The following ZNF385D variants were observed in gnomAD, a reference collection of about 807,000 sequenced individuals.
ZNF385D encodes zinc finger protein 659.
Under a neutral mutation model 35.8 loss-of-function variants are expected in ZNF385D, and 15 were observed. That is an observed-to-expected ratio of 0.42 (90% CI 0.28 to 0.64). The LOEUF (loss-of-function observed/expected upper bound fraction) is 0.64. Among genes scored for constraint, ZNF385D ranks in the 30% least tolerant of loss-of-function variants. The probability of loss-of-function intolerance (pLI) is 0.23; values close to 1 mark genes in which losing one functional copy is unlikely to be tolerated. For synonymous variants in ZNF385D, 212 were observed against 186.8 expected (o/e 1.13, Z -1.10); for missense variants, 474 against 494.6 (o/e 0.96, Z 0.39).
At chr3:21,711,625 C>T (rs2068112546) in intron 1 of ZNF385D, among the ~76,000 whole-genome samples, 1 of 152,152 alleles carries the variant, frequency 6.6e-6, no homozygotes, top group South Asian at 2.1e-4. Flanking sequence ...ATCTCCCATC[C>T]CCAAAAACAC....
At chr3:21,622,654 G>A (rs1230233873) in intron 2 of ZNF385D, among the ~76,000 whole-genome samples, 1 of 152,158 alleles carries the variant, frequency 6.6e-6, no homozygotes, top group African/African-American at 2.4e-5. Flanking sequence ...TCTCTGTATT[G>A]AATTCAGTCC....
intron 3 of ZNF385D, among the ~76,000 whole-genome samples, chr3:21,813,867 C>T (rs766736513): frequency 5.3e-5 from 8 of 152,040 alleles, no homozygotes; most frequent in Non-Finnish European, 1.2e-4. Flanking sequence ...CAAAGATAGT[C>T]CTCGAGAAGA....
chr3:22,353,854 C>T (rs1696028595), intron 2 of ZNF385D, among the ~76,000 whole-genome samples: 1 of 152,026 alleles, frequency 6.6e-6, no homozygotes. Context: ...ACTTGCCAAC[C>T]TCCTATCTTT....
At chr3:21,800,746 T>C (rs1007419864) in intron 3 of ZNF385D, among the ~76,000 whole-genome samples, 6 of 152,186 alleles carry the variant, frequency 3.9e-5, no homozygotes, top group African/African-American at 1.4e-4. Flanking sequence ...CTTTTGTTTG[T>C]TGATCTTGTT....
chr3:21,662,494 T>C (rs199970502), intron 2 of ZNF385D, among the ~76,000 whole-genome samples: 3 of 152,308 alleles, frequency 2.0e-5, no homozygotes, highest in East Asian at 1.9e-4. Flanking sequence ...GTTTTATACA[T>C]ACCGAATTTT....
In ZNF385D at chr3:21,732,224, G is replaced by T. The variant is rs1181769707; in HGVS notation, c.22+18671C>A. Reference sequence around the variant, plus strand: ...GCCACCACACCCGGCTAATTTTTTTGTATTTTTAGTAGACACGGGGTTTCA... The same window carrying T: ...GCCACCACACCCGGCTAATTTTTTTTTATTTTTAGTAGACACGGGGTTTCA... On this transcript the variant is annotated intron_variant, in intron 1 of 7. Coordinates refer to ENST00000281523, the MANE Select transcript of ZNF385D (RefSeq NM_024697.3). Among the ~76,000 whole-genome samples the T allele has an allele frequency of 2.0e-5, 3 of 151,252 alleles. No individual in the cohort carries two copies. The South Asian group carries it at 6.3e-4, about 32-fold the overall frequency.
intron 3 of ZNF385D, among the ~76,000 whole-genome samples, chr3:22,065,142 A>C (rs1303249019): frequency 6.6e-6 from 1 of 152,174 alleles, no homozygotes; most frequent in African/African-American, 2.4e-5. Flanking sequence ...CAGAAGATGA[A>C]CTTATTGAGA....
chr3:21,759,809 T>G lies in ZNF385D; in HGVS notation c.326-94781A>C, dbSNP rs181734780. ...CTTTAAAAAAAGAGATTCTTCATGA[T>G]AAATTGAGTGCAGCTCCAGTAAATT... On this transcript the variant is annotated intron_variant, in intron 3 of 5. Coordinates refer to the ZNF385D transcript ENST00000494108. Among the ~76,000 whole-genome samples, 731 of 152,336 alleles carry G rather than the reference T, an allele frequency of 4.8e-3. 6 individuals carry two copies. The highest frequency in any genetic ancestry group is 8.0e-3 in the Non-Finnish European group (547 of 68,034).
At chr3:21,926,199 T>C (rs1191631862) in intron 3 of ZNF385D, among the ~76,000 whole-genome samples, 1 of 152,128 alleles carries the variant, frequency 6.6e-6, no homozygotes, top group African/African-American at 2.4e-5. Context: ...GTTTGTTACA[T>C]AGGTATATAT....
intron 2 of ZNF385D, among the ~76,000 whole-genome samples, chr3:22,285,983 G>A (rs528583303): frequency 6.1e-4 from 93 of 152,106 alleles, no homozygotes; most frequent in South Asian, 1.4e-3. Flanking sequence ...ATCATGATAC[G>A]TCTCCACAGC....
At chr3:22,113,028 G>T (rs1576341901) in intron 3 of ZNF385D, among the ~76,000 whole-genome samples, 1 of 151,972 alleles carries the variant, frequency 6.6e-6, no homozygotes, top group Non-Finnish European at 1.5e-5. Context: ...CAATCTCTCG[G>T]TCGCATTTGT....
intron 3 of ZNF385D, among the ~76,000 whole-genome samples, chr3:22,110,677 C>T (rs1282191715): frequency 2.6e-5 from 4 of 151,646 alleles, no homozygotes; most frequent in East Asian, 1.9e-4. Context: ...TTTGGAGATA[C>T]ACCTAATGTT....
At chr3:22,042,559 G>A (rs537065549) in intron 3 of ZNF385D, among the ~76,000 whole-genome samples, 1 of 152,102 alleles carries the variant, frequency 6.6e-6, no homozygotes. Flanking sequence ...ATTTCCAAGA[G>A]CTCAATAATC....
At chr3:22,097,569 G>C (rs771394280) in intron 3 of ZNF385D, among the ~76,000 whole-genome samples, 1 of 152,068 alleles carries the variant, frequency 6.6e-6, no homozygotes, top group Non-Finnish European at 1.5e-5. Context: ...AACATTGAAA[G>C]AGCAAAATGA....
chr3:22,183,512 C>G (rs1695422563), intron 2 of ZNF385D, among the ~76,000 whole-genome samples: 1 of 152,052 alleles, frequency 6.6e-6, no homozygotes, highest in African/African-American at 2.4e-5. Context: ...CACACACCAC[C>G]ATGCCCAGCT....
chr3:21,796,782 C>T (rs2072172054), intron 3 of ZNF385D, among the ~76,000 whole-genome samples: 2 of 152,220 alleles, frequency 1.3e-5, no homozygotes, highest in South Asian at 4.1e-4. Flanking sequence ...CTAGTTAGTG[C>T]CAGAGCTAGA....
chr3:21,830,121 C>CAA (rs113499876), intron 3 of ZNF385D, among the ~76,000 whole-genome samples: 18 of 151,134 alleles, frequency 1.2e-4, no homozygotes, highest in Non-Finnish European at 1.8e-4. Flanking sequence ...GACACTCTGT[C>CAA]AAAAAAAATA....
chr3:21,890,794 G>T (rs769338822), intron 3 of ZNF385D, among the ~76,000 whole-genome samples: 1 of 152,156 alleles, frequency 6.6e-6, no homozygotes, highest in African/African-American at 2.4e-5. Context: ...GTAATAAAGA[G>T]TCAAAAAGAT....
chr3:21,718,787 G>A (rs905299931), intron 1 of ZNF385D, among the ~76,000 whole-genome samples: 3 of 152,144 alleles, frequency 2.0e-5, no homozygotes, highest in Non-Finnish European at 4.4e-5. Flanking sequence ...AATGGAGAAT[G>A]TTCAGGCCAA....
Sources: allele counts gnomAD v4.1 joint callset (sites outside exome capture counted in the v4.1 genomes callset), GRCh38; gene constraint gnomAD v4.1.1; transcripts MANE v1.5; gene names NCBI Gene and HGNC (gene_info 2026-07-23, HGNC 2026-07-21).